The following TRAPPC4 variants were observed in gnomAD, a reference collection of about 807,000 sequenced individuals.
The protein encoded by TRAPPC4 is TRS23 homolog.
A neutral mutation model predicts 23.5 loss-of-function variants in TRAPPC4; 30 were observed. That is an observed-to-expected ratio of 1.28 (90% confidence interval 0.96 to 1.73). TRAPPC4 has a LOEUF of 1.73. TRAPPC4 is among the 40% of genes most tolerant of loss of function. The probability of loss-of-function intolerance (pLI) is 0.00; values close to 1 mark genes in which losing one functional copy is unlikely to be tolerated. For missense variants in TRAPPC4, 252 were observed against 268.9 expected, an observed-to-expected ratio of 0.94 and a Z score of 0.44; for synonymous variants, 129 against 105.3, an observed-to-expected ratio of 1.23 and a Z score of -1.38.
At position 119,019,134 on chromosome 11, in the gene TRAPPC4, C is replaced by G; in HGVS notation, c.176-9C>G. On this transcript the variant is annotated splice_polypyrimidine_tract_variant and intron_variant, in intron 1 of 4. Transcript: ENST00000533632. Reference sequence around the variant, plus strand: ...GCACCTTCGCTGACCGTTAGCTTCACCTCTGCAGTGGGTCATGCAGTGCTG... The same window carrying G: ...GCACCTTCGCTGACCGTTAGCTTCAGCTCTGCAGTGGGTCATGCAGTGCTG... 1.2e-6 allele frequency: 2 copies of G among 1,613,152 alleles called. No individual in the cohort carries two copies. The highest frequency in any genetic ancestry group is 8.5e-7 in the Non-Finnish European group (1 of 1,179,328).
At chr11:119,019,562 C>T (rs1252474993) in intron 2 of TRAPPC4, 1 of 458,178 alleles carries the variant, frequency 2.2e-6, no homozygotes, top group Non-Finnish European at 3.9e-6. Context: ...CTGCCTCAGC[C>T]TCCCGAGTAG....
rs533793162 is a variant in TRAPPC4, at chr11:119,019,154, G to A, written c.187G>A (p.Val63Met). 4.3e-6 allele frequency: 7 copies of A among 1,614,204 alleles called. No homozygotes were observed. Among genetic ancestry groups the A allele is most frequent in the Non-Finnish European group, 5.9e-6 (7 of 1,180,014 alleles). Residue 63 changes from valine to methionine, a missense_variant, in exon 2 of 5, where the codon GTG becomes ATG. Val to Met is a conservative substitution (Grantham distance 21, BLOSUM62 1). Transcript: ENST00000533632. ...QRDGIRVGHAVLAINGMDVNG... is the reference protein window; with the variant it reads ...QRDGIRVGHAMLAINGMDVNG... ...CTTCACCTCTGCAGTGGGTCATGCA[G>A]TGCTGGCCATCAATGGCATGGACGT...
intron 3 of TRAPPC4, chr11:119,020,964 C>T (rs545407553): frequency 2.6e-5 from 4 of 152,256 alleles, no homozygotes; most frequent in Admixed American, 2.0e-4. Context: ...TGTTGGCTCA[C>T]TGCAGCCACC....
rs782445827 is a variant in TRAPPC4, at chr11:119,021,823, T to C, written c.518T>C (p.Ile173Thr). 2 of 1,614,130 alleles carry C rather than the reference T, an allele frequency of 1.2e-6. No homozygotes were observed. Among genetic ancestry groups the C allele is most frequent in the Non-Finnish European group, 1.7e-6 (2 of 1,180,010 alleles). ...QAGIDSLLRK[I>T]YEIYSDFALK... ...GGAATAGATTCTCTTCTCCGAAAGA[T>C]TTATGAGATTTACTCAGACTTTGCC... Residue 173 changes from isoleucine (I) to threonine (T), a missense_variant, in exon 4 of 5, where the codon ATT becomes ACT. Ile to Thr is a moderately conservative substitution (Grantham distance 89). Around this residue, in one of 3 missense-constraint regions of TRAPPC4, gnomAD observed 222 missense variants for 217.8 expected, o/e 1.02. Transcript: ENST00000533632.
chr11:119,021,991 T>G, intron 4 of TRAPPC4, 105 bp downstream of exon 4: 3 of 1,424,474 alleles, frequency 2.1e-6, no homozygotes, highest in Non-Finnish European at 2.9e-6. Flanking sequence ...TTTTTTTGTT[T>G]GTTTGTTTTT....
rs1221212801 is a variant in TRAPPC4, at chr11:119,020,165, C to G, written c.366C>G (p.Gly122=). The stretch of plus-strand genomic sequence containing the variant: ...TTGCATATAGGCTCTTTGCCATCGG[C>G]TCCCAGCTGTCTCCTGAACAGGGAA... The part of the protein sequence containing the change: ...ASMFHSLFAI[G]SQLSPEQGSS... The change falls in exon 3 of 5, where the codon GGC becomes GGG. Residue 122 remains glycine, a synonymous_variant. Coordinates refer to ENST00000533632, the MANE Select transcript of TRAPPC4 (RefSeq NM_016146.6). 6.2e-7 allele frequency: 1 copy of G among 1,613,704 alleles called. No individual in the cohort carries two copies. The highest frequency in any genetic ancestry group is 1.3e-5 in the African/African-American group (1 of 74,924).
At chr11:119,022,141 C>T (rs891838411) in intron 4 of TRAPPC4, among the ~76,000 whole-genome samples, 2 of 152,142 alleles carry the variant, frequency 1.3e-5, no homozygotes, top group East Asian at 3.9e-4. Flanking sequence ...TGTGCCACCA[C>T]GCCTGGCTAA....
chr11:119,020,129 CT>C lies in TRAPPC4; in HGVS notation c.351-18del. On this transcript the variant is annotated intron_variant, in intron 2 of 4. Coordinates refer to ENST00000533632, the MANE Select transcript of TRAPPC4 (RefSeq NM_016146.6). ...GAGAAGCACTCCTTCCTTAGAGCAA[CT>C]TTGCCTCCTTTGCATATAGGCTCTT... 1 of 1,596,318 alleles carries C rather than the reference CT, an allele frequency of 6.3e-7. No homozygotes were observed.
intron 2 of TRAPPC4, 103 bp from the exon 3 acceptor site, chr11:119,020,047 C>A: frequency 1.4e-6 from 1 of 713,624 alleles, no homozygotes; most frequent in South Asian, 1.8e-5. Context: ...CTTCTCCTGA[C>A]TGTCCCAGGC....
At position 119,023,328 on chromosome 11, in the gene TRAPPC4, C is replaced by T. The variant is rs782385427; in HGVS notation, c.589C>T (p.Leu197Phe). 13 of 1,614,100 alleles carry T rather than the reference C, an allele frequency of 8.1e-6. No homozygotes were observed. The South Asian group carries it at 1.3e-4, about 16-fold the overall frequency. ...ACCCTGGGCCCGGCTTAGGTGTGAG[C>T]TCTTTGACCAGAACCTGAAGCTAGC... ...YSLEMPIRCE[L>F]FDQNLKLALE... The change falls in exon 5 of 5, where the codon CTC becomes TTC. Residue 197 changes from leucine (L) to phenylalanine (F), a missense_variant. Around this residue, in one of 3 missense-constraint regions of TRAPPC4, gnomAD observed 21 missense variants for 24.8 expected, o/e 0.85. Transcript: ENST00000533632.
chr11:119,018,846 C>CCAGTTG lies in TRAPPC4; in HGVS notation c.52_57dup (p.Gln18_Leu19dup). The CCAGTTG allele has an allele frequency of 6.2e-7, 1 of 1,614,216 alleles. No homozygotes were observed. Among genetic ancestry groups the CCAGTTG allele is most frequent in the Non-Finnish European group, 8.5e-7 (1 of 1,180,036 alleles). Reference sequence around the variant, plus strand: ...TGAACAAAGCTGGCGGCTTGATTTACCAGTTGGACAGCTACGCGCCACGGG... The same window carrying CCAGTTG: ...TGAACAAAGCTGGCGGCTTGATTTACCAGTTGCAGTTGGACAGCTACGCGCCACGGG... On this transcript the variant is annotated inframe_insertion, in exon 1 of 5. Transcript: ENST00000533632.
chr11:119,022,253 G>T (rs1392840806), intron 4 of TRAPPC4, among the ~76,000 whole-genome samples: 3 of 152,134 alleles, frequency 2.0e-5, no homozygotes, highest in Non-Finnish European at 1.5e-5. Flanking sequence ...CACAGTGCTG[G>T]GATTACAGGC....
chr11:119,019,059 G>A (rs1182665003), intron 1 of TRAPPC4, 84 bp from the exon 2 acceptor site: 5 of 1,589,412 alleles, frequency 3.1e-6, no homozygotes, highest in Non-Finnish European at 4.3e-6. Flanking sequence ...GGGGTTGGGG[G>A]AAAAGGGGTT....
intron 3 of TRAPPC4, 21 bp downstream of exon 3, chr11:119,020,274 C>G: frequency 3.8e-6 from 6 of 1,586,288 alleles, no homozygotes; most frequent in Non-Finnish European, 5.2e-6. Flanking sequence ...CCACGGAGGC[C>G]AGAGGAGTGT....
At chr11:119,022,957 GT>G (rs71048033) in intron 4 of TRAPPC4, 4,778 of 85,668 alleles carry the variant, frequency 0.056, 333 homozygotes, top group African/African-American at 0.18. Flanking sequence ...TTTTGTTGAT[GT>G]TTTTTTTTTT....
At chr11:119,021,657 C>G (rs1253092020) in intron 3 of TRAPPC4, 103 bp from the exon 4 acceptor site, 2 of 1,253,312 alleles carry the variant, frequency 1.6e-6, no homozygotes, top group Non-Finnish European at 1.1e-6. Context: ...TTAAAATAGG[C>G]TTATGAAAGT....
At chr11:119,022,136 C>T (rs532700201) in intron 4 of TRAPPC4, among the ~76,000 whole-genome samples, 1 of 152,304 alleles carries the variant, frequency 6.6e-6, no homozygotes, top group South Asian at 2.1e-4. Flanking sequence ...ATGCATGTGC[C>T]ACCACGCCTG....
Position 119,023,592 on chromosome 11 carries a change from TC to T in TRAPPC4, c.*195del. The T allele has an allele frequency of 1.9e-6, 1 of 514,906 alleles. No homozygotes were observed. Among genetic ancestry groups the T allele is most frequent in the South Asian group, 2.8e-5 (1 of 35,970 alleles). 31.9% of individuals were successfully genotyped at this position (514,906 alleles called of 1,614,324 possible). On this transcript the variant is annotated 3_prime_UTR_variant, in exon 5 of 5. Transcript: ENST00000533632. ...TTCTGTATATACCATGGTCTTACTT[TC>T]CAACTCTGTACAGATTTATTTATGG...
chr11:119,021,976 A>G (rs781899698), intron 4 of TRAPPC4, 90 bp downstream of exon 4: 181 of 1,486,016 alleles, frequency 1.2e-4, no homozygotes, highest in Non-Finnish European at 1.5e-4. Flanking sequence ...ATAGTAGAGT[A>G]TTACTTTTTT....
Sources: allele counts gnomAD v4.1 joint callset (sites outside exome capture counted in the v4.1 genomes callset), GRCh38; gene constraint gnomAD v4.1.1; regional missense constraint gnomAD v4.1.1; transcripts MANE v1.5; gene names NCBI Gene and HGNC (gene_info 2026-07-23, HGNC 2026-07-21).